SLC9A2: variants seen among roughly 807,000 people sequenced by gnomAD.
SLC9A2 encodes sodium/hydrogen exchanger 2.
Under a neutral mutation model 71.7 loss-of-function variants are expected in SLC9A2, and 42 were observed. The ratio of observed to expected loss-of-function variants is 0.59; its 90% CI spans 0.46 to 0.76. The LOEUF (loss-of-function observed/expected upper bound fraction) is 0.76, where lower values mean the gene tolerates loss of function less well. SLC9A2 is among the 30% of genes least tolerant of loss of function. SLC9A2 has a pLI of 0.00. For synonymous variants in SLC9A2, 396 were observed against 392.5 expected (o/e 1.01, Z -0.10); for missense variants, 829 against 1,017.4 (o/e 0.81, Z 2.52).
chr2:102,676,942 T>C (rs1255414051), intron 3 of SLC9A2, among the ~76,000 whole-genome samples: 1 of 152,264 alleles, frequency 6.6e-6, no homozygotes, highest in African/African-American at 2.4e-5. Context: ...GAATTCATAC[T>C]TTTTAAAATC....
intron 2 of SLC9A2, among the ~76,000 whole-genome samples, chr2:102,660,357 C>T (rs566576671): frequency 6.6e-6 from 1 of 152,290 alleles, no homozygotes; most frequent in Non-Finnish European, 1.5e-5. Context: ...GTCGTGGTTT[C>T]ATATCTAAGA....
chr2:102,690,116 A>C (rs1677629879), intron 5 of SLC9A2, among the ~76,000 whole-genome samples: 1 of 152,200 alleles, frequency 6.6e-6, no homozygotes, highest in Non-Finnish European at 1.5e-5. Context: ...GAACCCTGAA[A>C]CATAGCAATA....
intron 1 of SLC9A2, among the ~76,000 whole-genome samples, chr2:102,648,243 A>G (rs1295797868): frequency 6.6e-6 from 1 of 152,174 alleles, no homozygotes; most frequent in Non-Finnish European, 1.5e-5. Context: ...GACAAAAACC[A>G]CATGATTATC....
rs1000756717 is a variant in SLC9A2, at chr2:102,619,763, C to G, written c.-86C>G. On this transcript the variant is annotated 5_prime_UTR_variant, in exon 1 of 12. Coordinates refer to ENST00000233969, the MANE Select transcript of SLC9A2 (RefSeq NM_003048.6). This position sits in a 1 kb window ranked among gnomAD's most constrained non-coding sequence, Gnocchi z 4.3. ...CTGCCCTGCCCTGCACGGGGCAGGG[C>G]GGAGCGGGCTGAGCAGCCCGGGCGC... 3 of 1,279,110 alleles carry G rather than the reference C, an allele frequency of 2.3e-6. No individual in the cohort carries two copies. In the Admixed American group the frequency reaches 9.1e-5, roughly 39 times the overall value. The allele number at this position is 1,279,110 out of a possible 1,614,324, so 79.2% of individuals were successfully genotyped here. A position where few individuals can be genotyped will look rare whatever the true frequency, so the allele number is the denominator to read the frequency against.
chr2:102,640,945 C>T (rs1676564471), intron 1 of SLC9A2, among the ~76,000 whole-genome samples: 1 of 152,204 alleles, frequency 6.6e-6, no homozygotes, highest in Non-Finnish European at 1.5e-5. Flanking sequence ...TAGAACCAGA[C>T]ACGAAGACTG....
intron 8 of SLC9A2, among the ~76,000 whole-genome samples, chr2:102,701,530 A>G (rs1280864762): frequency 6.6e-6 from 1 of 152,200 alleles, no homozygotes; most frequent in African/African-American, 2.4e-5. Context: ...TTTAATATAT[A>G]TTGCTAATTC....
intron 1 of SLC9A2, among the ~76,000 whole-genome samples, chr2:102,631,364 G>A (rs1209008776): frequency 1.3e-5 from 2 of 151,502 alleles, no homozygotes; most frequent in Non-Finnish European, 2.9e-5. Context: ...ATTTCTTCAG[G>A]AGCCCTTTCT....
chr2:102,667,785 A>T (rs545060369), intron 3 of SLC9A2, among the ~76,000 whole-genome samples: 1 of 152,242 alleles, frequency 6.6e-6, no homozygotes, highest in Non-Finnish European at 1.5e-5. Flanking sequence ...TAATATTGTC[A>T]TTGGCCAGGC....
chr2:102,658,230 T>C, intron 2 of SLC9A2, among the ~76,000 whole-genome samples: 1 of 152,324 alleles, frequency 6.6e-6, no homozygotes, highest in African/African-American at 2.4e-5. Flanking sequence ...TTATTTATAA[T>C]TTATTTATTA....
intron 1 of SLC9A2, among the ~76,000 whole-genome samples, chr2:102,652,695 G>C (rs529266707): frequency 6.6e-6 from 1 of 152,138 alleles, no homozygotes; most frequent in African/African-American, 2.4e-5. Flanking sequence ...AAAAGTCTTG[G>C]CCAACCACTG....
chr2:102,691,818 A>G (rs999921255), intron 5 of SLC9A2, among the ~76,000 whole-genome samples: 1 of 152,154 alleles, frequency 6.6e-6, no homozygotes, highest in Non-Finnish European at 1.5e-5. Flanking sequence ...CTTCTAGATC[A>G]TCTGTAGGGT....
At chr2:102,622,027 A>G (rs1375059385) in intron 1 of SLC9A2, among the ~76,000 whole-genome samples, 1 of 152,202 alleles carries the variant, frequency 6.6e-6, no homozygotes, top group East Asian at 1.9e-4. Context: ...AGTGGTGACT[A>G]AGAGAGACAC....
In SLC9A2 at chr2:102,619,847, C is replaced by G. The variant is rs1318493039; in HGVS notation, c.-2C>G. ...TCCCCTTGGCGGCAACCGGCGGCAC[C>G]CATGGAACCACTGGGCAACTGGAGG... On this transcript the variant is annotated 5_prime_UTR_variant, in exon 1 of 12. Coordinates refer to ENST00000233969, the MANE Select transcript of SLC9A2 (RefSeq NM_003048.6). The surrounding 1 kb of genome is among the most constrained non-coding windows in gnomAD (Gnocchi z 4.3). The G allele has an allele frequency of 6.6e-7, 1 of 1,508,428 alleles. No individual in the cohort carries two copies. The highest frequency in any genetic ancestry group is 8.9e-7 in the Non-Finnish European group (1 of 1,127,890). The allele number at this position is 1,508,428 out of a possible 1,614,324, so 93.4% of individuals were successfully genotyped here. A position where few individuals can be genotyped will look rare whatever the true frequency, so the allele number is the denominator to read the frequency against.
In SLC9A2 at chr2:102,684,118, T is replaced by C; in HGVS notation, c.1223-16T>C. 1 of 1,609,916 alleles carries C rather than the reference T, an allele frequency of 6.2e-7. No homozygotes were observed. Among genetic ancestry groups the C allele is most frequent in the Admixed American group, 1.7e-5 (1 of 59,904 alleles). On this transcript the variant is annotated splice_polypyrimidine_tract_variant and intron_variant, in intron 4 of 11. Transcript: ENST00000233969. The stretch of plus-strand genomic sequence containing the variant: ...CTCACCCAGTCTGTTTCCTCTTGGG[T>C]TTTCTTTCTTTGCAGGTGTTTTTGT...
intron 10 of SLC9A2, among the ~76,000 whole-genome samples, chr2:102,705,414 A>C (rs1487868265): frequency 6.6e-6 from 1 of 152,102 alleles, no homozygotes; most frequent in Non-Finnish European, 1.5e-5. Context: ...CCAGTAAATT[A>C]GCTGTAGTAA....
At chr2:102,620,248 C>A in intron 1 of SLC9A2, 111 bp downstream of exon 1, 3 of 927,352 alleles carry the variant, frequency 3.2e-6, no homozygotes, top group Non-Finnish European at 3.2e-6. Context: ...CATCTTGAAT[C>A]AGGGCAGGGA....
intron 1 of SLC9A2, among the ~76,000 whole-genome samples, chr2:102,641,467 C>T (rs547139503): frequency 2.4e-4 from 36 of 151,688 alleles, no homozygotes; most frequent in Middle Eastern, 3.4e-3. Flanking sequence ...GAGTTTTGCA[C>T]GTGCCGTTCT....
intron 7 of SLC9A2, among the ~76,000 whole-genome samples, chr2:102,695,801 T>TAATATATATTATATATATA (rs1677752919): frequency 1.6e-5 from 1 of 62,170 alleles, no homozygotes; most frequent in African/African-American, 6.4e-5. Flanking sequence ...ATATATATAT[T>TAATATATATTATATATATA]ATATATATAT....
At chr2:102,646,223 A>G (rs966319626) in intron 1 of SLC9A2, among the ~76,000 whole-genome samples, 1 of 152,242 alleles carries the variant, frequency 6.6e-6, no homozygotes. Flanking sequence ...GCGAAGGAGA[A>G]ATAAAATCCT....
Sources: allele counts gnomAD v4.1 joint callset (sites outside exome capture counted in the v4.1 genomes callset), GRCh38; gene constraint gnomAD v4.1.1; non-coding constraint Gnocchi (gnomAD v3.1); transcripts MANE v1.5; gene names NCBI Gene and HGNC (gene_info 2026-07-23, HGNC 2026-07-21).